Variants in LINGO2 observed in about 807,000 individuals in gnomAD.
LINGO2 encodes the protein leucine-rich repeat and immunoglobulin-like domain-containing nogo receptor-interacting protein 2.
A neutral mutation model predicts 30.6 loss-of-function variants in LINGO2; 14 were observed. The ratio of observed to expected loss-of-function variants is 0.46; its 90% CI spans 0.30 to 0.72. The LOEUF (loss-of-function observed/expected upper bound fraction) is 0.72, where lower values mean the gene tolerates loss of function less well. LINGO2 is among the 30% of genes least tolerant of loss of function. The pLI is 0.07. For synonymous variants in LINGO2, 317 were observed against 288.5 expected (o/e 1.10, Z -1.00); for missense variants, 729 against 751.7 (o/e 0.97, Z 0.35).
intron 4 of LINGO2, among the ~76,000 whole-genome samples, chr9:28,237,122 G>C (rs999536163): frequency 7.2e-6 from 1 of 139,396 alleles, no homozygotes; most frequent in Non-Finnish European, 1.5e-5. Flanking sequence ...CAGTGCGGGG[G>C]GGGGGTAAAG....
chr9:28,623,252 A>G (rs1459477751), intron 1 of LINGO2, among the ~76,000 whole-genome samples: 1 of 152,032 alleles, frequency 6.6e-6, no homozygotes, highest in Non-Finnish European at 1.5e-5. Flanking sequence ...GGTATTACTG[A>G]AGAAATTTTT....
the LINGO2 span, among the ~76,000 whole-genome samples, chr9:28,773,611 T>C: frequency 5.9e-4 from 90 of 152,258 alleles, no homozygotes; most frequent in African/African-American, 2.1e-3. Context: ...TCTAAGCTTT[T>C]AGGTTTATCT....
intron 4 of LINGO2, among the ~76,000 whole-genome samples, chr9:28,154,565 G>T (rs1202144247): frequency 6.6e-6 from 1 of 151,968 alleles, no homozygotes; most frequent in African/African-American, 2.4e-5. Flanking sequence ...TGTGTTTCTG[G>T]GCATCAAAAT....
At chr9:28,636,825 A>G (rs939209025) in intron 1 of LINGO2, among the ~76,000 whole-genome samples, 13 of 152,126 alleles carry the variant, frequency 8.5e-5, no homozygotes, top group Admixed American at 7.9e-4. Flanking sequence ...CTGTAGTTTA[A>G]TTAGATCCCA....
chr9:28,766,447 G>A, the LINGO2 span, among the ~76,000 whole-genome samples: 9 of 144,620 alleles, frequency 6.2e-5, no homozygotes, highest in Non-Finnish European at 4.5e-5. Context: ...AAGATGTGAA[G>A]AAAAAAAAAA....
chr9:29,176,019 C>G, the LINGO2 span, among the ~76,000 whole-genome samples: 1 of 150,060 alleles, frequency 6.7e-6, no homozygotes, highest in East Asian at 2.0e-4. Context: ...ATGGCTCAGG[C>G]TGGCACCAAG....
intron 4 of LINGO2, among the ~76,000 whole-genome samples, chr9:28,090,963 A>G (rs1225238763): frequency 4.6e-5 from 7 of 152,202 alleles, no homozygotes; most frequent in Non-Finnish European, 8.8e-5. Context: ...TCCCATTCAC[A>G]ATTGTTTCAA....
At chr9:28,196,215 A>C (rs118081443) in intron 4 of LINGO2, among the ~76,000 whole-genome samples, 2,659 of 151,768 alleles carry the variant, frequency 0.018, 37 homozygotes, top group Non-Finnish European at 0.023. Flanking sequence ...GATTAAAGAA[A>C]GAATGTCTTT....
intron 4 of LINGO2, among the ~76,000 whole-genome samples, chr9:28,253,890 C>T (rs1822293300): frequency 6.6e-6 from 1 of 152,122 alleles, no homozygotes; most frequent in South Asian, 2.1e-4. Flanking sequence ...ACAGAAGTTC[C>T]TCCATTTGCA....
the LINGO2 span, among the ~76,000 whole-genome samples, chr9:29,074,747 G>A: frequency 1.5e-5 from 2 of 136,898 alleles, 1 homozygote; most frequent in Admixed American, 1.6e-4. Flanking sequence ...GGGCAGTGGC[G>A]CAATCTCAGC....
At chr9:29,084,067 T>C in the LINGO2 span, among the ~76,000 whole-genome samples, 17 of 151,936 alleles carry the variant, frequency 1.1e-4, no homozygotes, top group African/African-American at 3.1e-4. Context: ...CTCTTTTCTA[T>C]ACTAAAACTG....
chr9:28,200,800 T>A (rs1820203099), intron 4 of LINGO2, among the ~76,000 whole-genome samples: 1 of 152,200 alleles, frequency 6.6e-6, no homozygotes, highest in Non-Finnish European at 1.5e-5. Flanking sequence ...TAAAGTCCAG[T>A]GATAAAAATG....
At chr9:28,582,005 C>G (rs578090830) in intron 1 of LINGO2, among the ~76,000 whole-genome samples, 20 of 152,060 alleles carry the variant, frequency 1.3e-4, no homozygotes, top group Admixed American at 2.0e-4. Context: ...ACTAAGGCTT[C>G]CAGACACTCT....
At chr9:28,506,485 C>CACATATATATATATATATATATAT (rs1820135121) in intron 1 of LINGO2, among the ~76,000 whole-genome samples, 1 of 73,398 alleles carries the variant, frequency 1.4e-5, no homozygotes, top group Admixed American at 1.8e-4. Context: ...CACACATACA[C>CACATATATATATATATATATATAT]ATACACACAC....
At chr9:28,880,914 A>T in the LINGO2 span, among the ~76,000 whole-genome samples, 3 of 152,078 alleles carry the variant, frequency 2.0e-5, no homozygotes, top group Non-Finnish European at 4.4e-5. Context: ...CAGCCATAGT[A>T]CCTTCCCTTG....
chr9:28,494,915 T>C (rs577557714), intron 1 of LINGO2, among the ~76,000 whole-genome samples: 1 of 152,340 alleles, frequency 6.6e-6, no homozygotes, highest in East Asian at 1.9e-4. Flanking sequence ...CCATTCTAAC[T>C]GCTGTGAGAT....
chr9:28,831,575 G>C, the LINGO2 span, among the ~76,000 whole-genome samples: 1 of 152,098 alleles, frequency 6.6e-6, no homozygotes, highest in African/African-American at 2.4e-5. Flanking sequence ...TTGATATTTA[G>C]AAGGAAGTGA....
chr9:28,699,220 A>C, the LINGO2 span, among the ~76,000 whole-genome samples: 1 of 152,034 alleles, frequency 6.6e-6, no homozygotes, highest in African/African-American at 2.4e-5. Context: ...ACACTTATCC[A>C]CTATTATAAT....
chr9:28,174,051 T>C (rs1280723086), intron 4 of LINGO2, among the ~76,000 whole-genome samples: 1 of 152,206 alleles, frequency 6.6e-6, no homozygotes, highest in African/African-American at 2.4e-5. Flanking sequence ...AAAGCAATAT[T>C]TTCTAAGATA....
Sources: allele counts gnomAD v4.1 joint callset (sites outside exome capture counted in the v4.1 genomes callset), GRCh38; gene constraint gnomAD v4.1.1; transcripts MANE v1.5; gene names NCBI Gene and HGNC (gene_info 2026-07-23, HGNC 2026-07-21).